SPATA17: variants seen among roughly 807,000 people sequenced by gnomAD.
The protein encoded by SPATA17 is spermatogenesis-associated protein 17.
SPATA17 carries 53 observed loss-of-function variants against 62.2 expected under a neutral mutation model. That is an observed-to-expected ratio of 0.85 (90% CI 0.68 to 1.07). The LOEUF (loss-of-function observed/expected upper bound fraction) is 1.07, where lower values mean the gene tolerates loss of function less well. Among genes scored for constraint, SPATA17 ranks in the 50% least tolerant of loss-of-function variants. The pLI is 0.00. For missense variants in SPATA17, 466 were observed against 425.5 expected (o/e 1.10, Z -0.84); for synonymous variants, 146 against 146.8 (o/e 0.99, Z 0.04).
At chr1:217,774,609 C>T (rs1673544096) in intron 7 of SPATA17, 72 bp downstream of exon 7, 3 of 1,264,216 alleles carry the variant, frequency 2.4e-6, no homozygotes, top group East Asian at 5.1e-5. Context: ...TTATATAACA[C>T]TATCTTAATT....
At chr1:217,850,366 C>A in intron 9 of SPATA17, 1 of 802,752 alleles carries the variant, frequency 1.2e-6, no homozygotes, top group Non-Finnish European at 2.0e-6. Flanking sequence ...CAGTGTAATG[C>A]CATCACTGAG....
intron 7 of SPATA17, among the ~76,000 whole-genome samples, chr1:217,775,008 A>G (rs1002275519): frequency 1.3e-5 from 2 of 152,218 alleles, no homozygotes; most frequent in Admixed American, 6.5e-5. Flanking sequence ...TTAAGAATAT[A>G]CTCAGAAGTG....
At chr1:217,637,569 A>G (rs979115859) in intron 1 of SPATA17, among the ~76,000 whole-genome samples, 5 of 152,206 alleles carry the variant, frequency 3.3e-5, no homozygotes, top group African/African-American at 1.2e-4. Flanking sequence ...TATTATTCCT[A>G]TAAACGGAAT....
At chr1:217,843,976 T>C (rs1231409073) in intron 9 of SPATA17, among the ~76,000 whole-genome samples, 3 of 152,150 alleles carry the variant, frequency 2.0e-5, no homozygotes, top group South Asian at 2.1e-4. Context: ...AAGAAGTATT[T>C]ATCAGGATTT....
chr1:217,669,190 A>G (rs1670779886), intron 4 of SPATA17, 107 bp downstream of exon 4: 13 of 923,548 alleles, frequency 1.4e-5, no homozygotes, highest in Non-Finnish European at 2.1e-5. Flanking sequence ...TGATATGCTA[A>G]TGGTAAAGAG....
At chr1:217,852,080 A>G (rs766385014) in intron 9 of SPATA17, among the ~76,000 whole-genome samples, 3 of 152,188 alleles carry the variant, frequency 2.0e-5, no homozygotes, top group Non-Finnish European at 4.4e-5. Flanking sequence ...TGAATGAAAC[A>G]TGTACCCTGT....
intron 5 of SPATA17, among the ~76,000 whole-genome samples, chr1:217,728,524 T>G (rs1449922417): frequency 6.6e-6 from 1 of 152,164 alleles, no homozygotes; most frequent in Non-Finnish European, 1.5e-5. Flanking sequence ...TAAGATTAAT[T>G]TTTTTATGTT....
intron 3 of SPATA17, among the ~76,000 whole-genome samples, chr1:217,652,761 A>G (rs1052490503): frequency 2.0e-5 from 3 of 152,158 alleles, no homozygotes; most frequent in Non-Finnish European, 4.4e-5. Flanking sequence ...TCTTCTACCT[A>G]CCTTTTGACT....
intron 9 of SPATA17, among the ~76,000 whole-genome samples, chr1:217,843,817 CTT>C (rs2103008091): frequency 6.6e-6 from 1 of 152,240 alleles, no homozygotes; most frequent in South Asian, 2.1e-4. Flanking sequence ...TTTCTAATCC[CTT>C]TTCTATAGAA....
chr1:217,697,589 C>T (rs967587329), intron 5 of SPATA17, among the ~76,000 whole-genome samples: 10 of 151,964 alleles, frequency 6.6e-5, no homozygotes, highest in African/African-American at 1.9e-4. Flanking sequence ...GAAAAATGCA[C>T]GGACTTTGAA....
At chr1:217,831,882 T>C (rs913564311) in intron 9 of SPATA17, among the ~76,000 whole-genome samples, 5 of 152,208 alleles carry the variant, frequency 3.3e-5, no homozygotes, top group Non-Finnish European at 7.3e-5. Context: ...AAACTATTTC[T>C]ATTTTATTTG....
At chr1:217,791,013 A>G (rs1267465391) in intron 8 of SPATA17, among the ~76,000 whole-genome samples, 1 of 152,222 alleles carries the variant, frequency 6.6e-6, no homozygotes, top group African/African-American at 2.4e-5. Context: ...CTATTACTGT[A>G]TTATGATAGA....
At position 217,869,994 on chromosome 1, in the gene SPATA17, G is replaced by A. The variant is rs1355669331; in HGVS notation, c.*2975G>A. 3 of 152,136 alleles carry A rather than the reference G, an allele frequency of 2.0e-5. No homozygotes were observed. The highest frequency in any genetic ancestry group is 7.2e-5 in the African/African-American group (3 of 41,444). The allele number at this position is 152,136 out of a possible 1,614,324, so 9.4% of individuals were successfully genotyped here. A position where few individuals can be genotyped will look rare whatever the true frequency, so the allele number is the denominator to read the frequency against. On this transcript the variant is annotated 3_prime_UTR_variant, in exon 11 of 11. Coordinates refer to ENST00000366933, the MANE Select transcript of SPATA17 (RefSeq NM_138796.4). ...GAAGATGAACCAAGACTTGGTTATT[G>A]TTAAAGCTGATGATTGGCTGTATGA...
In SPATA17 at chr1:217,686,081, AACACATTCTCTGT is replaced by A. The variant is rs1410111467; in HGVS notation, c.395+2721_395+2733del. Among the ~76,000 whole-genome samples, 5 of 152,286 alleles carry A rather than the reference AACACATTCTCTGT, an allele frequency of 3.3e-5. No homozygotes were observed. In the East Asian group the frequency reaches 9.6e-4, roughly 29 times the overall value. On this transcript the variant is annotated intron_variant, in intron 5 of 10. Transcript: ENST00000366933. The stretch of plus-strand genomic sequence containing the variant: ...TTCAGGCAGCCACAAAGAGCCTTGG[AACACATTCTCTGT>A]GAATAACAGGGGACTATGTAATTTT...
chr1:217,723,833 A>G (rs1008950007), intron 5 of SPATA17, among the ~76,000 whole-genome samples: 6 of 152,236 alleles, frequency 3.9e-5, no homozygotes, highest in African/African-American at 1.4e-4. Flanking sequence ...AATACTGCAT[A>G]ACAGGAGTTA....
At chr1:217,768,063 G>C (rs1195696590) in intron 6 of SPATA17, among the ~76,000 whole-genome samples, 1 of 152,046 alleles carries the variant, frequency 6.6e-6, no homozygotes, top group Non-Finnish European at 1.5e-5. Flanking sequence ...TGACCAACAT[G>C]GTGAAACCTC....
At chr1:217,681,622 C>T (rs759718388) in intron 4 of SPATA17, among the ~76,000 whole-genome samples, 25 of 152,232 alleles carry the variant, frequency 1.6e-4, no homozygotes, top group Admixed American at 5.2e-4. Context: ...TGGTCTCGAA[C>T]TCCAGACCTT....
intron 6 of SPATA17, among the ~76,000 whole-genome samples, chr1:217,744,021 T>C (rs1216756519): frequency 6.6e-6 from 1 of 152,180 alleles, no homozygotes; most frequent in Admixed American, 6.5e-5. Flanking sequence ...AGACTCAGTT[T>C]TTTTTACTGA....
intron 9 of SPATA17, among the ~76,000 whole-genome samples, chr1:217,825,364 T>G (rs1674967964): frequency 1.3e-5 from 2 of 151,908 alleles, no homozygotes; most frequent in African/African-American, 4.8e-5. Flanking sequence ...TTTATGTGAA[T>G]GTGTAAATCA....
Sources: allele counts gnomAD v4.1 joint callset (sites outside exome capture counted in the v4.1 genomes callset), GRCh38; gene constraint gnomAD v4.1.1; transcripts MANE v1.5; gene names NCBI Gene and HGNC (gene_info 2026-07-23, HGNC 2026-07-21).